Variants in NCOA2 observed in about 807,000 individuals in gnomAD.
NCOA2 encodes the protein nuclear receptor coactivator 2.
A neutral mutation model predicts 145.1 loss-of-function variants in NCOA2; 21 were observed. The ratio of observed to expected loss-of-function variants is 0.14; its 90% CI spans 0.10 to 0.21. The LOEUF (loss-of-function observed/expected upper bound fraction) is 0.21. Among genes scored for constraint, NCOA2 ranks in the 10% least tolerant of loss-of-function variants. The probability of loss-of-function intolerance (pLI) is 1.00; values close to 1 mark genes in which losing one functional copy is unlikely to be tolerated. For synonymous variants in NCOA2, 619 were observed against 637.5 expected (o/e 0.97, Z 0.44); for missense variants, 1,472 against 1,837.6 (o/e 0.80, Z 3.64).
intron 1 of NCOA2, among the ~76,000 whole-genome samples, chr8:70,334,897 G>A (rs923144835): frequency 1.1e-4 from 16 of 151,970 alleles, no homozygotes; most frequent in Non-Finnish European, 1.9e-4. Flanking sequence ...GGCCGAGGTG[G>A]CGGATCACCT....
rs1379986483 is a variant in NCOA2 at position 70,172,831 on chromosome 8, G to A, written c.363+1925C>T. Among the ~76,000 whole-genome samples, 4 of 152,120 alleles carry A rather than the reference G, an allele frequency of 2.6e-5. No homozygotes were observed. The East Asian group carries it at 5.8e-4, about 22-fold the overall frequency. ...TTGAGGTATAATAAAACTGAAAGAC[G>A]AAATTGTTTCCTCTCATAAAGCTGT... On this transcript the variant is annotated intron_variant, in intron 5 of 22. Coordinates refer to ENST00000452400, the MANE Select transcript of NCOA2 (RefSeq NM_006540.4).
intron 2 of NCOA2, among the ~76,000 whole-genome samples, chr8:70,228,875 C>G (rs776343034): frequency 1.3e-5 from 2 of 152,124 alleles, no homozygotes; most frequent in Admixed American, 6.5e-5. Context: ...GAAATTTAAA[C>G]CCTGGTTCTA....
chr8:70,179,103 C>T (rs542869372), intron 4 of NCOA2, among the ~76,000 whole-genome samples: 2 of 152,134 alleles, frequency 1.3e-5, no homozygotes, highest in South Asian at 4.2e-4. Flanking sequence ...TTTTATTCCT[C>T]ATTAATAAAA....
the NCOA2 span, among the ~76,000 whole-genome samples, chr8:70,426,864 C>T: frequency 6.6e-6 from 1 of 152,188 alleles, no homozygotes; most frequent in Non-Finnish European, 1.5e-5. Context: ...ACTGTCATAG[C>T]TCACTGTAGC....
intron 1 of NCOA2, among the ~76,000 whole-genome samples, chr8:70,307,428 T>C (rs929022218): frequency 1.3e-5 from 2 of 152,006 alleles, no homozygotes; most frequent in African/African-American, 4.8e-5. Flanking sequence ...AAACTGGGGG[T>C]CCCAGAGACC....
chr8:70,375,392 T>C (rs2131324773), intron 1 of NCOA2, among the ~76,000 whole-genome samples: 1 of 152,290 alleles, frequency 6.6e-6, no homozygotes, highest in Non-Finnish European at 1.5e-5. Flanking sequence ...AAATTTGCAG[T>C]GGCATCAGGT....
intron 1 of NCOA2, among the ~76,000 whole-genome samples, chr8:70,297,447 C>T (rs553239455): frequency 6.6e-6 from 1 of 152,304 alleles, no homozygotes; most frequent in Non-Finnish European, 1.5e-5. Context: ...GATCCTCCCG[C>T]CCCAGCCTCC....
At chr8:70,311,368 T>A (rs533051629) in intron 1 of NCOA2, among the ~76,000 whole-genome samples, 1 of 152,322 alleles carries the variant, frequency 6.6e-6, no homozygotes, top group Non-Finnish European at 1.5e-5. Flanking sequence ...TAACTTGTAT[T>A]TTCTTTTCTC....
intron 1 of NCOA2, among the ~76,000 whole-genome samples, chr8:70,335,862 T>C (rs1807539365): frequency 6.6e-6 from 1 of 152,166 alleles, no homozygotes. Context: ...CACAAACCTG[T>C]ACAGTATGCC....
chr8:70,163,017 C>T (rs141538860), intron 8 of NCOA2, among the ~76,000 whole-genome samples, 163 bp from the exon 9 acceptor site: 7 of 143,246 alleles, frequency 4.9e-5, no homozygotes, highest in Middle Eastern at 3.9e-3. Context: ...TGGGGTCAAA[C>T]GACTCTTGTG....
chr8:70,230,441 T>C (rs1821034285), intron 2 of NCOA2, among the ~76,000 whole-genome samples: 1 of 152,170 alleles, frequency 6.6e-6, no homozygotes. Flanking sequence ...ACTCCTGAAT[T>C]GTACACTTTA....
chr8:70,377,270 A>G (rs1811767406), intron 1 of NCOA2, among the ~76,000 whole-genome samples: 2 of 152,016 alleles, frequency 1.3e-5, no homozygotes, highest in Admixed American at 6.6e-5. Flanking sequence ...TTTTTTTAAA[A>G]ACTTATATTT....
chr8:70,272,390 T>A (rs569621143), intron 2 of NCOA2, among the ~76,000 whole-genome samples: 1 of 152,368 alleles, frequency 6.6e-6, no homozygotes, highest in South Asian at 2.1e-4. Context: ...CAGCAGTAAC[T>A]ATCTAACTTA....
intron 2 of NCOA2, among the ~76,000 whole-genome samples, chr8:70,290,636 A>G (rs926926231): frequency 3.9e-5 from 6 of 152,190 alleles, no homozygotes; most frequent in Admixed American, 3.9e-4. Flanking sequence ...CTGAGTCTCA[A>G]GCTAGCAATA....
the NCOA2 span, among the ~76,000 whole-genome samples, chr8:70,429,558 T>A: frequency 6.6e-6 from 1 of 152,216 alleles, no homozygotes; most frequent in East Asian, 1.9e-4. Flanking sequence ...GGGCAATTTC[T>A]CCCAGAGTTG....
chr8:70,156,064 C>G lies in NCOA2; in HGVS notation c.2301G>C (p.Glu767Asp). The G allele has an allele frequency of 6.2e-7, 1 of 1,613,890 alleles. No individual in the cohort carries two copies. ...IGLPEITPKLERLDSKTDPAS... is the reference protein window; with the variant it reads ...IGLPEITPKLDRLDSKTDPAS... ...CAGGATCTGTCTTACTGTCCAGTCT[C>G]TCAAGTTTGGGGGTTATTTCTGGTA... is the stretch of plus-strand genomic sequence containing the variant. The change falls in exon 11 of 23, where the codon GAG (glutamate) becomes GAC (aspartate). Residue 767 changes from glutamate (E) to aspartate (D), a missense_variant. Transcript: ENST00000452400.
At chr8:70,160,799 T>C (rs1360399738) in intron 9 of NCOA2, among the ~76,000 whole-genome samples, 2 of 152,198 alleles carry the variant, frequency 1.3e-5, no homozygotes, top group African/African-American at 4.8e-5. Flanking sequence ...ATACTACATT[T>C]AGGTTTCACT....
intron 1 of NCOA2, among the ~76,000 whole-genome samples, chr8:70,309,954 AAAAC>A (rs551949811): frequency 3.3e-4 from 50 of 151,710 alleles, no homozygotes; most frequent in African/African-American, 9.4e-4. Flanking sequence ...CCCTGTCTCG[AAAAC>A]AAACAAACAA....
At chr8:70,306,949 A>G (rs1164357391) in intron 1 of NCOA2, among the ~76,000 whole-genome samples, 3 of 152,198 alleles carry the variant, frequency 2.0e-5, no homozygotes, top group Non-Finnish European at 4.4e-5. Context: ...AGCAAGAGGA[A>G]GAAATACCAA....
Sources: allele counts gnomAD v4.1 joint callset (sites outside exome capture counted in the v4.1 genomes callset), GRCh38; gene constraint gnomAD v4.1.1; transcripts MANE v1.5; gene names NCBI Gene and HGNC (gene_info 2026-07-23, HGNC 2026-07-21).